CD302: variants seen among roughly 807,000 people sequenced by gnomAD.
CD302 encodes CD302 antigen.
In CD302, 23 loss-of-function variants were observed where a neutral mutation model predicts 26.5. The ratio of observed to expected loss-of-function variants is 0.87; its 90% CI spans 0.62 to 1.23. CD302 has a LOEUF of 1.23. Ranked by LOEUF, CD302 falls within the 50% of genes most tolerant of loss-of-function variation. The pLI is 0.00. For missense variants in CD302, 290 were observed against 275.5 expected (o/e 1.05, Z -0.37); for synonymous variants, 90 against 99.4 (o/e 0.91, Z 0.56).
intron 5 of CD302, among the ~76,000 whole-genome samples, chr2:159,776,316 T>C (rs1708322702): frequency 6.6e-6 from 1 of 152,170 alleles, no homozygotes; most frequent in Non-Finnish European, 1.5e-5. Flanking sequence ...GCTTCCACCT[T>C]TTGGCTATGG....
At chr2:159,781,073 TA>T (rs1310681783) in intron 2 of CD302, 75 bp from the exon 3 acceptor site, 3 of 1,176,098 alleles carry the variant, frequency 2.6e-6, no homozygotes, top group African/African-American at 3.1e-5. Flanking sequence ...ATAAAAATAA[TA>T]AATAGTTGCT....
At chr2:159,783,501 A>G (rs1438806435) in intron 1 of CD302, 32 bp from the exon 2 acceptor site, 1 of 1,515,056 alleles carries the variant, frequency 6.6e-7, no homozygotes, top group East Asian at 2.3e-5. Context: ...ACTGTTAAAT[A>G]ACTTGAGAAA....
intron 5 of CD302, among the ~76,000 whole-genome samples, chr2:159,773,042 C>A (rs1051386649): frequency 6.6e-6 from 1 of 152,124 alleles, no homozygotes; most frequent in Non-Finnish European, 1.5e-5. Context: ...GAAAAAAAGC[C>A]AAGAATTCCG....
chr2:159,774,646 G>C (rs1389861843), intron 5 of CD302, among the ~76,000 whole-genome samples: 1 of 152,152 alleles, frequency 6.6e-6, no homozygotes, highest in Non-Finnish European at 1.5e-5. Context: ...TCTGTCTCCT[G>C]CCTGATGTCT....
Position 159,776,323 on chromosome 2 carries a change from A to G in CD302, c.496+1615T>C, listed in dbSNP as rs1708322896. Among the ~76,000 whole-genome samples the G allele has an allele frequency of 2.0e-5, 3 of 152,272 alleles. No homozygotes were observed. In the South Asian group the frequency reaches 6.2e-4, roughly 32 times the overall value. On this transcript the variant is annotated intron_variant, in intron 5 of 5. Transcript: ENST00000259053. ...CTTGGGTTGCTTCCACCTTTTGGCT[A>G]TGGCAAATGATGCTATGAACATAGA...
At chr2:159,777,093 C>CA (rs34819428) in intron 5 of CD302, among the ~76,000 whole-genome samples, 13 of 150,820 alleles carry the variant, frequency 8.6e-5, no homozygotes, top group Non-Finnish European at 1.6e-4. Flanking sequence ...TCCATCTGTA[C>CA]AAAAAAAGTT....
intron 1 of CD302, among the ~76,000 whole-genome samples, chr2:159,787,443 A>C (rs1708697279): frequency 6.6e-6 from 1 of 150,984 alleles, no homozygotes. Flanking sequence ...TTTATATTTG[A>C]TCCTTTTTCT....
chr2:159,787,909 A>T (rs1308059711), intron 1 of CD302, among the ~76,000 whole-genome samples: 2 of 152,188 alleles, frequency 1.3e-5, no homozygotes, highest in Non-Finnish European at 2.9e-5. Context: ...ATTTGAGACC[A>T]GCCTGGCCAA....
chr2:159,787,805 T>A (rs1006675675), intron 1 of CD302, among the ~76,000 whole-genome samples: 3 of 152,156 alleles, frequency 2.0e-5, no homozygotes, highest in African/African-American at 7.2e-5. Context: ...GGAAACTCCC[T>A]CAGTTCTTGA....
chr2:159,784,371 T>TTA (rs1214015179), intron 1 of CD302, among the ~76,000 whole-genome samples: 11 of 139,650 alleles, frequency 7.9e-5, no homozygotes, highest in African/African-American at 3.2e-4. Context: ...TTTTTTTTTT[T>TTA]TTGAGACAAG....
intron 5 of CD302, among the ~76,000 whole-genome samples, chr2:159,776,255 G>T (rs1028012483): frequency 6.6e-6 from 1 of 151,870 alleles, no homozygotes; most frequent in Admixed American, 6.6e-5. Context: ...ATACTCAGTT[G>T]TATGTGCAGA....
At chr2:159,775,137 G>T (rs7561426) in intron 5 of CD302, among the ~76,000 whole-genome samples, 152,214 of 152,368 alleles carry the variant, frequency 1, 76,035 homozygotes, top group Middle Eastern at 1. Flanking sequence ...ATCTCACATA[G>T]TTTTGTTTTA....
rs1013527628 is a variant in CD302 at position 159,794,588 on chromosome 2, G to A, written c.67+3544C>T. 4.6e-5 allele frequency among the ~76,000 whole-genome samples: 7 copies of A among 150,662 alleles called. 1 individual carries two copies. The highest frequency in any genetic ancestry group is 2.1e-4 in the South Asian group (1 of 4,772). ...TTTTGAGACTGAGTCTCGCTCTGTC[G>A]CCCAGGCTGGAGTGCAGTGGCGCGA... On this transcript the variant is annotated intron_variant, in intron 1 of 5. Transcript: ENST00000259053.
At position 159,769,792 on chromosome 2, in the gene CD302, TGTATG is replaced by T. The variant is rs1708076336; in HGVS notation, c.*2054_*2058del. ...AGTATCAAAATGTACAAAAGAAAGT[TGTATG>T]GGAGTTGAGTGGAAGGTAGGATTTA... On this transcript the variant is annotated 3_prime_UTR_variant, in exon 6 of 6. Transcript: ENST00000259053. The T allele has an allele frequency of 6.6e-6, 1 of 152,230 alleles. No homozygotes were observed. Among genetic ancestry groups the T allele is most frequent in the Admixed American group, 6.5e-5 (1 of 15,288 alleles). The allele number at this position is 152,230 out of a possible 1,614,324, so 9.4% of individuals were successfully genotyped here. A position where few individuals can be genotyped will look rare whatever the true frequency, so the allele number is the denominator to read the frequency against.
chr2:159,773,437 G>T (rs1708216065), intron 5 of CD302, among the ~76,000 whole-genome samples: 1 of 152,180 alleles, frequency 6.6e-6, no homozygotes, highest in Non-Finnish European at 1.5e-5. Context: ...ATAATCGGTA[G>T]CATCTACTTT....
chr2:159,779,707 G>A (rs1708450597), intron 4 of CD302, among the ~76,000 whole-genome samples: 1 of 151,374 alleles, frequency 6.6e-6, no homozygotes, highest in South Asian at 2.1e-4. Context: ...AGGCTCAATT[G>A]ATCCTCCCAC....
At chr2:159,793,725 C>T (rs1043209031) in intron 1 of CD302, among the ~76,000 whole-genome samples, 5 of 152,256 alleles carry the variant, frequency 3.3e-5, no homozygotes, top group African/African-American at 1.2e-4. Context: ...GTACTCTGAG[C>T]TTCAAGATCT....
intron 2 of CD302, chr2:159,781,666 T>C (rs982859147): frequency 2.0e-5 from 3 of 151,892 alleles, no homozygotes; most frequent in Admixed American, 6.6e-5. Context: ...AGGGGAAAAC[T>C]TGTTTTAAAA....
Position 159,786,772 on chromosome 2 carries a change from G to A in CD302, c.68-3303C>T, listed in dbSNP as rs1708677605. Among the ~76,000 whole-genome samples, 3 of 152,152 alleles carry A rather than the reference G, an allele frequency of 2.0e-5. No homozygotes were observed. The South Asian group carries it at 6.2e-4, about 32-fold the overall frequency. On this transcript the variant is annotated intron_variant, in intron 1 of 5. Transcript: ENST00000259053. ...TGCACAAGTCATAAATATACAGGTT[G>A]GTGAATTTTTTTCTTTTTTCTTTTA...
Sources: allele counts gnomAD v4.1 joint callset (sites outside exome capture counted in the v4.1 genomes callset), GRCh38; gene constraint gnomAD v4.1.1; transcripts MANE v1.5; gene names NCBI Gene and HGNC (gene_info 2026-07-23, HGNC 2026-07-21).